DENND2A: variants seen among roughly 807,000 people sequenced by gnomAD.
The protein encoded by DENND2A is DENN domain-containing protein 2A.
In DENND2A, 53 loss-of-function variants were observed where a neutral mutation model predicts 105.3. The observed-to-expected ratio is 0.50, with a 90% CI of 0.40 to 0.63. The LOEUF (loss-of-function observed/expected upper bound fraction) is 0.63. DENND2A is among the 30% of genes least tolerant of loss of function. The pLI, the probability that DENND2A is intolerant of heterozygous loss-of-function variation, is 0.00. For missense variants in DENND2A, 1,138 were observed against 1,279.6 expected (o/e 0.89, Z 1.69); for synonymous variants, 522 against 508.4 (o/e 1.03, Z -0.36).
At chr7:140,624,878 T>G (rs917171669) in intron 1 of DENND2A, among the ~76,000 whole-genome samples, 20 of 149,674 alleles carry the variant, frequency 1.3e-4, no homozygotes, top group African/African-American at 3.5e-4. Context: ...GTTTTTTTTT[T>G]TTTGCTTTTT....
intron 12 of DENND2A, among the ~76,000 whole-genome samples, chr7:140,553,173 C>T (rs957923489): frequency 8.8e-4 from 134 of 152,168 alleles, no homozygotes; most frequent in Admixed American, 4.0e-3. Context: ...CATTCGTGGG[C>T]GTTTCTCCGA....
intron 3 of DENND2A, among the ~76,000 whole-genome samples, chr7:140,599,384 TG>T (rs1799399429): frequency 6.6e-6 from 1 of 151,482 alleles, no homozygotes; most frequent in Non-Finnish European, 1.5e-5. Flanking sequence ...AGTTTGGTAC[TG>T]AAAAAAAAAT....
chr7:140,620,067 G>A (rs1712092073), intron 1 of DENND2A, among the ~76,000 whole-genome samples: 1 of 151,712 alleles, frequency 6.6e-6, no homozygotes, highest in South Asian at 2.1e-4. Context: ...ATGGTGGCGG[G>A]CGCCTGTAGT....
chr7:140,538,277 G>T (rs889347340), intron 14 of DENND2A, among the ~76,000 whole-genome samples: 34 of 152,078 alleles, frequency 2.2e-4, no homozygotes, highest in African/African-American at 8.0e-4. Context: ...GTGGGCGAAG[G>T]TCCTCTCTGG....
chr7:140,636,495 T>C (rs956102099), intron 1 of DENND2A, among the ~76,000 whole-genome samples: 23 of 152,258 alleles, frequency 1.5e-4, no homozygotes, highest in African/African-American at 5.5e-4. Flanking sequence ...AGGCATCCCA[T>C]GTGTCCCACC....
chr7:140,595,580 G>A (rs1233328830), intron 3 of DENND2A, among the ~76,000 whole-genome samples: 1 of 151,958 alleles, frequency 6.6e-6, no homozygotes, highest in Non-Finnish European at 1.5e-5. Flanking sequence ...ACCAGCCTGG[G>A]CAACATAGCA....
At chr7:140,570,610 G>A (rs1023831310) in intron 6 of DENND2A, among the ~76,000 whole-genome samples, 4 of 152,198 alleles carry the variant, frequency 2.6e-5, no homozygotes, top group Non-Finnish European at 5.9e-5. Context: ...ACGCTCCCCA[G>A]ATGTCATGTA....
rs568361964 is a variant in DENND2A, at chr7:140,614,555, AAT to A, written c.-247-8751_-247-8750del. On this transcript the variant is annotated intron_variant, in intron 1 of 19. Coordinates refer to ENST00000496613, the MANE Select transcript of DENND2A (RefSeq NM_015689.5). ...TACATATTCATAAAATTACATTTTA[AAT>A]AGTTTTTGTGTTGCAAATAAGGCCA... Among the ~76,000 whole-genome samples the A allele has an allele frequency of 6.6e-5, 10 of 152,352 alleles. No homozygotes were observed. The East Asian group carries it at 1.2e-3, about 18-fold the overall frequency.
intron 18 of DENND2A, among the ~76,000 whole-genome samples, chr7:140,520,238 G>A (rs1044435803): frequency 5.3e-5 from 8 of 151,912 alleles, no homozygotes; most frequent in African/African-American, 9.7e-5. Context: ...CCCGGGAGGC[G>A]GAGGTTGCAG....
chr7:140,613,702 T>C (rs1799988669), intron 1 of DENND2A, among the ~76,000 whole-genome samples: 1 of 150,476 alleles, frequency 6.6e-6, no homozygotes, highest in Admixed American at 6.6e-5. Flanking sequence ...AACTACAGCT[T>C]AGATTGTGAA....
At chr7:140,569,006 C>G (rs566870050) in intron 7 of DENND2A, among the ~76,000 whole-genome samples, 193 bp from the exon 8 acceptor site, 1 of 152,102 alleles carries the variant, frequency 6.6e-6, no homozygotes, top group Admixed American at 6.6e-5. Context: ...CTCACTGCAA[C>G]CTCTGCCTTC....
At chr7:140,555,290 C>T (rs753630104) in intron 12 of DENND2A, among the ~76,000 whole-genome samples, 1 of 152,022 alleles carries the variant, frequency 6.6e-6, no homozygotes, top group African/African-American at 2.4e-5. Flanking sequence ...CCCGCCACCA[C>T]GCCTGGCTAA....
chr7:140,584,561 A>T (rs1213732556), intron 5 of DENND2A, among the ~76,000 whole-genome samples: 3 of 152,232 alleles, frequency 2.0e-5, no homozygotes, highest in African/African-American at 7.2e-5. Context: ...CAATGGGTTG[A>T]AATTACCATC....
intron 9 of DENND2A, among the ~76,000 whole-genome samples, chr7:140,565,680 C>T (rs917229660): frequency 1.3e-5 from 2 of 152,084 alleles, no homozygotes; most frequent in African/African-American, 4.8e-5. Flanking sequence ...GGTGTGTGAA[C>T]CACAGCGAGT....
chr7:140,564,901 A>T (rs1216000047), intron 9 of DENND2A, among the ~76,000 whole-genome samples: 1 of 152,148 alleles, frequency 6.6e-6, no homozygotes, highest in Admixed American at 6.5e-5. Flanking sequence ...GAGCATACCC[A>T]GTGGCCTCTC....
chr7:140,574,951 C>T (rs966102094), intron 5 of DENND2A, among the ~76,000 whole-genome samples: 43 of 152,110 alleles, frequency 2.8e-4, no homozygotes, highest in African/African-American at 1.0e-3. Flanking sequence ...ACCCTGGAGG[C>T]GGATGTTGCA....
At chr7:140,548,290 A>G (rs1274013494) in intron 12 of DENND2A, among the ~76,000 whole-genome samples, 4 of 112,210 alleles carry the variant, frequency 3.6e-5, no homozygotes, top group Non-Finnish European at 8.2e-5. Context: ...GCTACTACTA[A>G]AAAACTAAAA....
chr7:140,540,568 T>C (rs372342058), intron 14 of DENND2A, among the ~76,000 whole-genome samples: 15 of 152,174 alleles, frequency 9.9e-5, no homozygotes, highest in African/African-American at 3.4e-4. Context: ...CACTGGACTT[T>C]GCTCATTTTT....
chr7:140,619,568 C>A lies in DENND2A; in HGVS notation c.-247-13762G>T, dbSNP rs189592899. Among the ~76,000 whole-genome samples the A allele has an allele frequency of 6.6e-5, 10 of 151,944 alleles. No homozygotes were observed. In the East Asian group the frequency reaches 1.2e-3, roughly 18 times the overall value. ...AGGCTGGAGTGCAGTGGTGCAATCT[C>A]AGCTCACTGCAACCTCCGCCTCCTG... On this transcript the variant is annotated intron_variant, in intron 1 of 19. Coordinates refer to ENST00000496613, the MANE Select transcript of DENND2A (RefSeq NM_015689.5).
Sources: allele counts gnomAD v4.1 joint callset (sites outside exome capture counted in the v4.1 genomes callset), GRCh38; gene constraint gnomAD v4.1.1; transcripts MANE v1.5; gene names NCBI Gene and HGNC (gene_info 2026-07-23, HGNC 2026-07-21).